Variants in KLHL1 observed in about 807,000 individuals in gnomAD.
KLHL1 encodes kelch-like protein 1.
A neutral mutation model predicts 77.7 loss-of-function variants in KLHL1; 47 were observed. The observed-to-expected ratio is 0.60, with a 90% CI of 0.48 to 0.77. The LOEUF is 0.77. Ranked by LOEUF, KLHL1 falls within the 30% of genes least tolerant of loss-of-function variation. The probability of loss-of-function intolerance (pLI) is 0.00; values close to 1 mark genes in which losing one functional copy is unlikely to be tolerated. For missense variants in KLHL1, 925 were observed against 910.8 expected, an observed-to-expected ratio of 1.02 and a Z score of -0.20; for synonymous variants, 360 against 325.2, an observed-to-expected ratio of 1.11 and a Z score of -1.15.
chr13:70,039,642 T>C (rs1886325754), intron 1 of KLHL1, among the ~76,000 whole-genome samples: 1 of 149,888 alleles, frequency 6.7e-6, no homozygotes, highest in Non-Finnish European at 1.5e-5. Context: ...TTGAACTTTT[T>C]TTTTTTTTTT....
At chr13:69,975,598 C>T in intron 2 of KLHL1, 22 bp downstream of exon 2, 1 of 1,595,298 alleles carries the variant, frequency 6.3e-7, no homozygotes, top group Non-Finnish European at 8.5e-7. Flanking sequence ...TGCATGTTTC[C>T]AGTAGAGGCA....
chr13:69,987,777 A>G (rs1884913205), intron 1 of KLHL1, among the ~76,000 whole-genome samples: 2 of 152,142 alleles, frequency 1.3e-5, no homozygotes, highest in South Asian at 2.1e-4. Context: ...ATAAATATCT[A>G]TAATAATATG....
In KLHL1 at chr13:69,984,749, G is replaced by A. The variant is rs143490225; in HGVS notation, c.498-8947C>T. Among the ~76,000 whole-genome samples the A allele has an allele frequency of 6.4e-3, 969 of 152,014 alleles. 4 individuals carry two copies. Among genetic ancestry groups the A allele is most frequent in the Admixed American group, 0.011 (173 of 15,268 alleles). Reference sequence around the variant, plus strand: ...GTGTGTCTATGTTCTTGATTTCCTCGGCATGAGGCAAGGGACCTCGAGTAT... The same window carrying A: ...GTGTGTCTATGTTCTTGATTTCCTCAGCATGAGGCAAGGGACCTCGAGTAT... On this transcript the variant is annotated intron_variant, in intron 1 of 10. Coordinates refer to ENST00000377844, the MANE Select transcript of KLHL1 (RefSeq NM_020866.3).
chr13:69,895,838 G>T (rs7995799), intron 4 of KLHL1, among the ~76,000 whole-genome samples: 1 of 151,676 alleles, frequency 6.6e-6, no homozygotes, highest in African/African-American at 2.4e-5. Context: ...TCCATAGTAG[G>T]TGAGACTACA....
chr13:69,990,170 GA>G (rs1200831807), intron 1 of KLHL1, among the ~76,000 whole-genome samples: 1 of 151,952 alleles, frequency 6.6e-6, no homozygotes, highest in African/African-American at 2.4e-5. Flanking sequence ...AAGAGCTCCT[GA>G]AAGCAGCACT....
chr13:69,744,732 AAATT>A (rs1477882851), intron 7 of KLHL1, among the ~76,000 whole-genome samples: 2 of 151,802 alleles, frequency 1.3e-5, no homozygotes, highest in African/African-American at 4.8e-5. Flanking sequence ...TTGAACTTAT[AAATT>A]AAGTAATATA....
chr13:70,040,806 T>C (rs1488629903), intron 1 of KLHL1, among the ~76,000 whole-genome samples: 9 of 152,190 alleles, frequency 5.9e-5, no homozygotes, highest in African/African-American at 2.2e-4. Context: ...TCATTATTTG[T>C]TGGAAAACTT....
At chr13:70,099,439 C>T (rs1053226763) in intron 1 of KLHL1, among the ~76,000 whole-genome samples, 1 of 151,786 alleles carries the variant, frequency 6.6e-6, no homozygotes, top group East Asian at 1.9e-4. Context: ...TTTGACTTCC[C>T]TTTTTCTCAT....
At chr13:69,968,281 T>C (rs912592006) in intron 2 of KLHL1, among the ~76,000 whole-genome samples, 10 of 151,964 alleles carry the variant, frequency 6.6e-5, no homozygotes, top group African/African-American at 2.4e-4. Context: ...CATGATGAAG[T>C]AGTGCTACTG....
At chr13:69,778,776 G>A (rs949176067) in intron 7 of KLHL1, among the ~76,000 whole-genome samples, 4 of 150,074 alleles carry the variant, frequency 2.7e-5, no homozygotes, top group African/African-American at 9.8e-5. Context: ...TAATATTGAA[G>A]GCAGGTATTC....
intron 4 of KLHL1, among the ~76,000 whole-genome samples, chr13:69,926,978 A>C (rs1226343969): frequency 6.7e-6 from 1 of 148,232 alleles, no homozygotes; most frequent in East Asian, 2.0e-4. Context: ...AAAGCAGAGA[A>C]TTCACACTTC....
chr13:70,087,511 T>C (rs1285703139), intron 1 of KLHL1, among the ~76,000 whole-genome samples: 1 of 149,966 alleles, frequency 6.7e-6, no homozygotes, highest in African/African-American at 2.5e-5. Context: ...CTGAAGACAC[T>C]GTGCACAGAT....
intron 8 of KLHL1, 64 bp from the exon 9 acceptor site, chr13:69,719,645 G>A (rs889084865): frequency 3.1e-6 from 4 of 1,301,576 alleles, no homozygotes; most frequent in Admixed American, 2.0e-5. Context: ...TATAGAAAAG[G>A]TCCTTTAAAA....
chr13:69,963,143 C>G (rs867860869), intron 2 of KLHL1, among the ~76,000 whole-genome samples: 2 of 152,168 alleles, frequency 1.3e-5, no homozygotes, highest in Middle Eastern at 3.4e-3. Flanking sequence ...CTCATTGCAG[C>G]CTTGAACCCC....
chr13:70,056,231 C>T (rs1183513884), intron 1 of KLHL1, among the ~76,000 whole-genome samples: 2 of 151,798 alleles, frequency 1.3e-5, no homozygotes, highest in Non-Finnish European at 2.9e-5. Flanking sequence ...AAAAGTGATA[C>T]AAGGAGAAAA....
intron 7 of KLHL1, among the ~76,000 whole-genome samples, chr13:69,744,432 G>A (rs1369459434): frequency 6.6e-6 from 1 of 151,634 alleles, no homozygotes; most frequent in African/African-American, 2.4e-5. Flanking sequence ...TATGTGTCTT[G>A]TTTTTCTTAA....
chr13:69,947,923 A>G (rs1883581685), intron 3 of KLHL1, among the ~76,000 whole-genome samples: 1 of 152,170 alleles, frequency 6.6e-6, no homozygotes, highest in South Asian at 2.1e-4. Context: ...TTTCATTCAC[A>G]GTTGATTTCA....
intron 8 of KLHL1, among the ~76,000 whole-genome samples, chr13:69,728,345 G>A (rs982506383): frequency 1.7e-4 from 26 of 152,020 alleles, no homozygotes; most frequent in African/African-American, 5.1e-4. Flanking sequence ...TCCTGCTTTC[G>A]TAATGCTTTA....
chr13:69,807,561 G>A (rs571414395), intron 6 of KLHL1, among the ~76,000 whole-genome samples: 1 of 152,248 alleles, frequency 6.6e-6, no homozygotes, highest in African/African-American at 2.4e-5. Flanking sequence ...TCACCTGAGA[G>A]GGGCCCCACT....
Sources: gnomAD v4.1 joint callset for allele counts (sites outside exome capture counted in the v4.1 genomes callset) on GRCh38, gnomAD v4.1.1 for gene constraint, MANE v1.5 for transcripts, NCBI Gene and HGNC (gene_info 2026-07-23, HGNC 2026-07-21) for gene names.